PCED1B: variants seen among roughly 807,000 people sequenced by gnomAD.
PCED1B encodes the protein PC-esterase domain containing 1B, also known as PC-esterase domain-containing protein 1B.
For synonymous variants in PCED1B, 251 were observed against 246.1 expected (o/e 1.02, Z -0.19); for missense variants, 573 against 573.9 (o/e 1.00, Z 0.02).
intron 1 of PCED1B, among the ~76,000 whole-genome samples, chr12:47,086,439 G>A (rs79291620): frequency 0.016 from 2,455 of 150,624 alleles, 63 homozygotes; most frequent in African/African-American, 0.057. Flanking sequence ...CTCACTGGAA[G>A]GTTACAATTT....
intron 3 of PCED1B, among the ~76,000 whole-genome samples, chr12:47,227,953 T>C (rs1943683691): frequency 6.6e-6 from 1 of 152,068 alleles, no homozygotes; most frequent in Non-Finnish European, 1.5e-5. Context: ...GGTTAGGATA[T>C]AGGACCTCCA....
intron 2 of PCED1B, among the ~76,000 whole-genome samples, chr12:47,123,935 A>G (rs898844948): frequency 2.0e-5 from 3 of 151,972 alleles, no homozygotes; most frequent in African/African-American, 7.2e-5. Flanking sequence ...TCCACTCCCT[A>G]TTTTTAGAAA....
intron 2 of PCED1B, among the ~76,000 whole-genome samples, chr12:47,197,788 T>C (rs1942651148): frequency 6.6e-6 from 1 of 152,152 alleles, no homozygotes; most frequent in Non-Finnish European, 1.5e-5. Context: ...AATATGATCA[T>C]TTATATGAAA....
chr12:47,090,976 A>G (rs1319530094), intron 1 of PCED1B, among the ~76,000 whole-genome samples: 1 of 152,124 alleles, frequency 6.6e-6, no homozygotes, highest in Non-Finnish European at 1.5e-5. Context: ...TACTGTTGCC[A>G]TGAACATTCT....
chr12:47,160,387 A>G (rs1424441300), intron 2 of PCED1B, among the ~76,000 whole-genome samples: 1 of 143,234 alleles, frequency 7.0e-6, no homozygotes, highest in African/African-American at 2.6e-5. Flanking sequence ...GAAGCCTCGA[A>G]CACTTGGCCT....
At chr12:47,170,519 G>T (rs574682641) in intron 2 of PCED1B, among the ~76,000 whole-genome samples, 1 of 148,898 alleles carries the variant, frequency 6.7e-6, no homozygotes, top group African/African-American at 2.6e-5. Context: ...GGGCGGAGGC[G>T]CCCCCCACCT....
At chr12:47,086,216 T>C (rs1937974684) in intron 1 of PCED1B, among the ~76,000 whole-genome samples, 1 of 152,178 alleles carries the variant, frequency 6.6e-6, no homozygotes, top group African/African-American at 2.4e-5. Context: ...TCCTCCCCGA[T>C]GGCACATTCT....
chr12:47,088,096 T>C (rs546984308), intron 1 of PCED1B, among the ~76,000 whole-genome samples: 1 of 152,346 alleles, frequency 6.6e-6, no homozygotes, highest in South Asian at 2.1e-4. Flanking sequence ...GTGCACTGTT[T>C]AATTTCACAA....
chr12:47,202,085 C>G (rs1942780921), intron 2 of PCED1B, among the ~76,000 whole-genome samples: 1 of 152,090 alleles, frequency 6.6e-6, no homozygotes, highest in Non-Finnish European at 1.5e-5. Context: ...ATTGTAAGCA[C>G]CACAAATAAA....
At chr12:47,162,955 A>G (rs1941434282) in intron 2 of PCED1B, among the ~76,000 whole-genome samples, 1 of 152,080 alleles carries the variant, frequency 6.6e-6, no homozygotes, top group African/African-American at 2.4e-5. Context: ...GGGTTTTTCT[A>G]TTTCTGAATA....
At chr12:47,219,484 A>G (rs1375920938) in intron 3 of PCED1B, among the ~76,000 whole-genome samples, 3 of 152,200 alleles carry the variant, frequency 2.0e-5, no homozygotes, top group Non-Finnish European at 4.4e-5. Context: ...AGCACTCGTC[A>G]TTATTAGCTC....
intron 2 of PCED1B, among the ~76,000 whole-genome samples, chr12:47,161,977 G>A (rs1941396141): frequency 6.6e-6 from 1 of 152,094 alleles, no homozygotes; most frequent in South Asian, 2.1e-4. Flanking sequence ...CATGGATGAA[G>A]CTGGAAACCA....
intron 2 of PCED1B, among the ~76,000 whole-genome samples, chr12:47,163,423 T>C (rs1941450895): frequency 6.6e-6 from 1 of 152,268 alleles, no homozygotes; most frequent in Non-Finnish European, 1.5e-5. Flanking sequence ...GCCTAAATAC[T>C]GTGTTTACAA....
intron 2 of PCED1B, among the ~76,000 whole-genome samples, chr12:47,131,327 A>T (rs1189309565): frequency 6.6e-6 from 1 of 152,190 alleles, no homozygotes; most frequent in African/African-American, 2.4e-5. Context: ...CGCCCTCCTT[A>T]ATCAATACAA....
intron 2 of PCED1B, among the ~76,000 whole-genome samples, chr12:47,170,126 T>C (rs1941677373): frequency 6.6e-6 from 1 of 152,106 alleles, no homozygotes; most frequent in South Asian, 2.1e-4. Flanking sequence ...TTCAAGCATC[T>C]GTTTAACAAA....
Position 47,235,262 on chromosome 12 carries a change from C to A in PCED1B, c.199C>A (p.Arg67=), listed in dbSNP as rs771590553. 1 of 1,613,706 alleles carries A rather than the reference C, an allele frequency of 6.2e-7. No individual in the cohort carries two copies. Among genetic ancestry groups the A allele is most frequent in the African/African-American group, 1.3e-5 (1 of 75,052 alleles). ...AGATGAGCTGGTGGACGGAGGCCAG[C>A]GGGGCCACATGCACAACGGCCTTAA... ...EQDELVDGGQ[R]GHMHNGLNYR... is the part of the protein sequence containing the mutation. Residue 67 remains arginine (R), a synonymous_variant, in exon 4 of 4, where the codon CGG becomes AGG. Coordinates refer to ENST00000546455, the MANE Select transcript of PCED1B (RefSeq NM_138371.3).
At chr12:47,234,577 C>T (rs989914616) in intron 3 of PCED1B, among the ~76,000 whole-genome samples, 1 of 152,208 alleles carries the variant, frequency 6.6e-6, no homozygotes, top group Non-Finnish European at 1.5e-5. Flanking sequence ...TCTCCATGTC[C>T]TTGCTTACTT....
intron 1 of PCED1B, among the ~76,000 whole-genome samples, chr12:47,099,519 C>A (rs1938615329): frequency 6.6e-6 from 1 of 152,216 alleles, no homozygotes; most frequent in South Asian, 2.1e-4. Context: ...ACATGTTCTA[C>A]ATATAATTTT....
intron 2 of PCED1B, among the ~76,000 whole-genome samples, chr12:47,113,956 G>GAA (rs533127832): frequency 4.1e-4 from 56 of 137,946 alleles, no homozygotes; most frequent in East Asian, 3.2e-3. Context: ...ATCTAAAAAA[G>GAA]AAAAAAAAAA....
Sources: gnomAD v4.1 joint callset for allele counts (sites outside exome capture counted in the v4.1 genomes callset) on GRCh38, gnomAD v4.1.1 for gene constraint, MANE v1.5 for transcripts, NCBI Gene and HGNC (gene_info 2026-07-23, HGNC 2026-07-21) for gene names.